Variants in SLC1A2 observed in about 807,000 individuals in gnomAD.
SLC1A2 encodes solute carrier family 1 member 2.
In SLC1A2, 15 loss-of-function variants were observed where a neutral mutation model predicts 48.8. The ratio of observed to expected loss-of-function variants is 0.31; its 90% CI spans 0.21 to 0.47. SLC1A2 has a LOEUF of 0.47. Ranked by LOEUF, SLC1A2 falls within the 20% of genes least tolerant of loss-of-function variation. The pLI is 0.99. For missense variants in SLC1A2, 502 were observed against 730.5 expected (o/e 0.69, Z 3.61); for synonymous variants, 279 against 272.6 (o/e 1.02, Z -0.23).
chr11:35,389,187 G>C (rs1854681186), intron 1 of SLC1A2, among the ~76,000 whole-genome samples: 1 of 152,108 alleles, frequency 6.6e-6, no homozygotes, highest in African/African-American at 2.4e-5. Flanking sequence ...ATAAGAGAAT[G>C]AAGTGCTTTA....
intron 1 of SLC1A2, among the ~76,000 whole-genome samples, chr11:35,367,796 G>A (rs1853903535): frequency 6.6e-6 from 1 of 152,200 alleles, no homozygotes. Context: ...CTGTAATAGT[G>A]TTGAACACTG....
At chr11:35,338,087 T>C (rs993340945) in intron 1 of SLC1A2, among the ~76,000 whole-genome samples, 1 of 152,106 alleles carries the variant, frequency 6.6e-6, no homozygotes, top group African/African-American at 2.4e-5. Flanking sequence ...AGATCAGGAG[T>C]TGGCAAACTA....
intron 1 of SLC1A2, among the ~76,000 whole-genome samples, chr11:35,376,356 T>C (rs1455550638): frequency 2.0e-5 from 3 of 152,204 alleles, no homozygotes; most frequent in Admixed American, 2.0e-4. Context: ...TGGAAAAATA[T>C]GAAATCCAAG....
At chr11:35,331,601 T>G (rs1042557666) in intron 1 of SLC1A2, among the ~76,000 whole-genome samples, 2 of 152,220 alleles carry the variant, frequency 1.3e-5, no homozygotes, top group Admixed American at 1.3e-4. Flanking sequence ...GACAGGCTGG[T>G]TCACAGGGCT....
At chr11:35,358,371 T>C (rs979761774) in intron 1 of SLC1A2, among the ~76,000 whole-genome samples, 1 of 152,216 alleles carries the variant, frequency 6.6e-6, no homozygotes, top group Non-Finnish European at 1.5e-5. Flanking sequence ...ATAATATTAA[T>C]CATGTTTTTA....
At chr11:35,266,226 A>G (rs1358178459) in intron 9 of SLC1A2, among the ~76,000 whole-genome samples, 2 of 152,118 alleles carry the variant, frequency 1.3e-5, no homozygotes, top group African/African-American at 2.4e-5. Flanking sequence ...TTACTGAAAA[A>G]CTTACCATCT....
At chr11:35,262,696 A>G (rs1950411402) in intron 10 of SLC1A2, among the ~76,000 whole-genome samples, 1 of 152,278 alleles carries the variant, frequency 6.6e-6, no homozygotes, top group South Asian at 2.1e-4. Context: ...TAACTGATTT[A>G]GAGTGAGAAG....
At chr11:35,332,906 T>G (rs1026713262) in intron 1 of SLC1A2, among the ~76,000 whole-genome samples, 1 of 152,224 alleles carries the variant, frequency 6.6e-6, no homozygotes, top group Admixed American at 6.5e-5. Flanking sequence ...CCCCATACTC[T>G]TCAGAGTCTC....
chr11:35,289,256 C>T lies in SLC1A2; in HGVS notation c.1092-2305G>A, dbSNP rs1377735451. Among the ~76,000 whole-genome samples the T allele has an allele frequency of 1.3e-4, 20 of 151,952 alleles. No individual in the cohort carries two copies. The East Asian group carries it at 1.9e-3, about 15-fold the overall frequency. ...CAACGTCTTTATTCTGTACAAGGGC[C>T]GAGGAGGCAGGAAGGATATTTTGTG... On this transcript the variant is annotated intron_variant, in intron 7 of 10. Coordinates refer to ENST00000278379, the MANE Select transcript of SLC1A2 (RefSeq NM_004171.4).
intron 1 of SLC1A2, among the ~76,000 whole-genome samples, chr11:35,328,584 T>C (rs1852322167): frequency 1.3e-5 from 2 of 152,210 alleles, no homozygotes; most frequent in Non-Finnish European, 1.5e-5. Context: ...CTGTCAGTCC[T>C]GGACTTGGAA....
At position 35,306,170 on chromosome 11, in the gene SLC1A2, C is replaced by A. The variant is rs1358604043; in HGVS notation, c.634G>T (p.Val212Phe). ...DEEANATSAV[V>F]SLLNETVTEV... ...GTCACAGTCTCGTTCAACAGAGAGA[C>A]AACAGCGCTGGTTGCGTTGGCCTCC... Residue 212 changes from valine (V) to phenylalanine (F), a missense_variant, in exon 5 of 11, where the codon GTC becomes TTC. Coordinates refer to ENST00000278379, the MANE Select transcript of SLC1A2 (RefSeq NM_004171.4). The A allele has an allele frequency of 6.2e-7, 1 of 1,613,892 alleles. No homozygotes were observed. Among genetic ancestry groups the A allele is most frequent in the African/African-American group, 1.3e-5 (1 of 74,878 alleles).
chr11:35,265,800 T>G, intron 9 of SLC1A2, 42 bp from the exon 10 acceptor site: 1 of 1,301,660 alleles, frequency 7.7e-7, no homozygotes, highest in South Asian at 1.3e-5. Context: ...GGAAGCAGTA[T>G]TATGTGGTAG....
At chr11:35,272,702 TA>T (rs1212538893) in intron 9 of SLC1A2, among the ~76,000 whole-genome samples, 1 of 152,214 alleles carries the variant, frequency 6.6e-6, no homozygotes, top group African/African-American at 2.4e-5. Context: ...TAAGGCTTGG[TA>T]AAAGACAACT....
chr11:35,280,919 C>T lies in SLC1A2; in HGVS notation c.1369G>A (p.Val457Met), dbSNP rs748628129. Reference sequence around the variant, plus strand: ...CTGATGTCCTCTGTTGGCAGGCCCACGGCTGTCAGAATGAGGAGCATGGTG... The same window carrying T: ...CTGATGTCCTCTGTTGGCAGGCCCATGGCTGTCAGAATGAGGAGCATGGTG... ...LVTMLLILTAVGLPTEDISLL... is the reference protein window; with the variant it reads ...LVTMLLILTAMGLPTEDISLL... Residue 457 changes from valine (V) to methionine (M), a missense_variant, in exon 9 of 11, where the codon GTG becomes ATG. By Grantham distance (21) the Val-to-Met change is conservative. Around this residue, in one of 4 missense-constraint regions of SLC1A2, gnomAD observed 309 missense variants for 480.3 expected, o/e 0.64. Transcript: ENST00000278379. The T allele has an allele frequency of 4.2e-5, 68 of 1,613,180 alleles. No homozygotes were observed. The highest frequency in any genetic ancestry group is 6.6e-5 in the South Asian group (6 of 90,928).
chr11:35,332,309 T>C (rs1852456244), intron 1 of SLC1A2, among the ~76,000 whole-genome samples: 1 of 152,226 alleles, frequency 6.6e-6, no homozygotes, highest in Non-Finnish European at 1.5e-5. Flanking sequence ...ACTTAATTCC[T>C]TAGCAACTGA....
At chr11:35,386,879 C>A (rs1308315728) in intron 1 of SLC1A2, among the ~76,000 whole-genome samples, 1 of 152,154 alleles carries the variant, frequency 6.6e-6, no homozygotes, top group African/African-American at 2.4e-5. Context: ...GACTAACCTG[C>A]AGTGCTTTTT....
In SLC1A2 at chr11:35,312,201, T is replaced by C. The variant is rs1403942564; in HGVS notation, c.558A>G (p.Gln186=). 6.2e-7 allele frequency: 1 copy of C among 1,614,076 alleles called. No individual in the cohort carries two copies. Among genetic ancestry groups the C allele is most frequent in the Non-Finnish European group, 8.5e-7 (1 of 1,179,938 alleles). ...GAACATCTGAACTCTGGGTTACCTG[T>C]TGAAAGCAGGCTTGGACAAGGTTTT... ...FPENLVQACF[Q]QIQTVTKKVL... Residue 186 remains glutamine (Q), a synonymous_variant, in exon 4 of 11, where the codon CAA becomes CAG. Coordinates refer to ENST00000278379, the MANE Select transcript of SLC1A2 (RefSeq NM_004171.4).
At chr11:35,313,184 T>C (rs912384339) in intron 3 of SLC1A2, among the ~76,000 whole-genome samples, 1 of 152,222 alleles carries the variant, frequency 6.6e-6, no homozygotes, top group East Asian at 1.9e-4. Context: ...TGTCCTCACT[T>C]GGAAGACTAA....
rs531748258 is a variant in SLC1A2 at position 35,254,785 on chromosome 11, T to C, written c.*6109A>G. On this transcript the variant is annotated 3_prime_UTR_variant, in exon 11 of 11. Coordinates refer to ENST00000278379, the MANE Select transcript of SLC1A2 (RefSeq NM_004171.4). ...CAGTGAGGTCTGTTCCAATAGCTGG[T>C]TTTATTCTCAGCACAAAAGGGCCCT... 2.2e-5 allele frequency: 10 copies of C among 456,134 alleles called. No homozygotes were observed. Among genetic ancestry groups the C allele is most frequent in the Non-Finnish European group, 4.4e-5 (10 of 226,914 alleles). 28.3% of individuals were successfully genotyped at this position (456,134 alleles called of 1,614,324 possible).
Sources: allele counts gnomAD v4.1 joint callset (sites outside exome capture counted in the v4.1 genomes callset), GRCh38; gene constraint gnomAD v4.1.1; regional missense constraint gnomAD v4.1.1; transcripts MANE v1.5; gene names NCBI Gene and HGNC (gene_info 2026-07-23, HGNC 2026-07-21).